Variants in USP14 observed in about 807,000 individuals in gnomAD.
USP14 encodes ubiquitin specific peptidase 14.
A neutral mutation model predicts 76.5 loss-of-function variants in USP14; 38 were observed. The observed-to-expected ratio is 0.50, with a 90% confidence interval of 0.38 to 0.65. USP14 has a LOEUF of 0.65. Among genes scored for constraint, USP14 ranks in the 30% least tolerant of loss-of-function variants. The pLI, the probability that USP14 is intolerant of heterozygous loss-of-function variation, is 0.00. For synonymous variants in USP14, 192 were observed against 191.7 expected (o/e 1.00, Z -0.01); for missense variants, 467 against 586.5 (o/e 0.80, Z 2.10).
intron 13 of USP14, among the ~76,000 whole-genome samples, chr18:209,606 A>C (rs963327970): frequency 4.0e-5 from 6 of 151,620 alleles, no homozygotes; most frequent in African/African-American, 1.5e-4. Context: ...TTTTCCCCCC[A>C]CCTCTGTGGT....
intron 5 of USP14, among the ~76,000 whole-genome samples, chr18:191,367 C>T (rs952982707): frequency 1.3e-5 from 2 of 152,130 alleles, no homozygotes; most frequent in African/African-American, 4.8e-5. Context: ...ACAATACTCT[C>T]TGTGATTTCT....
chr18:184,927 C>T (rs985845409), intron 5 of USP14, among the ~76,000 whole-genome samples: 10 of 152,150 alleles, frequency 6.6e-5, no homozygotes, highest in Non-Finnish European at 5.9e-5. Flanking sequence ...TGCTTAATGC[C>T]GCCCAACAGT....
intron 6 of USP14, 35 bp downstream of exon 6, chr18:192,935 G>GT: frequency 6.4e-7 from 1 of 1,552,172 alleles, no homozygotes; most frequent in Non-Finnish European, 8.8e-7. Context: ...TTTGATAGGA[G>GT]TAAGACATTC....
At chr18:185,474 C>T (rs1909904168) in intron 5 of USP14, among the ~76,000 whole-genome samples, 1 of 151,924 alleles carries the variant, frequency 6.6e-6, no homozygotes. Flanking sequence ...TGTCTGTTAA[C>T]ACTAGCGTCT....
intron 13 of USP14, among the ~76,000 whole-genome samples, chr18:205,547 G>A (rs1365767426): frequency 6.6e-6 from 1 of 152,170 alleles, no homozygotes; most frequent in East Asian, 1.9e-4. Context: ...TCTGAGGCAG[G>A]AGGATCACTT....
chr18:174,400 G>A (rs1336973197), intron 3 of USP14, among the ~76,000 whole-genome samples: 3 of 151,192 alleles, frequency 2.0e-5, no homozygotes, highest in African/African-American at 7.3e-5. Context: ...TGAGTAACTG[G>A]GATTATAGGC....
intron 5 of USP14, among the ~76,000 whole-genome samples, chr18:188,208 A>C (rs1217475800): frequency 6.6e-6 from 1 of 152,070 alleles, no homozygotes; most frequent in African/African-American, 2.4e-5. Flanking sequence ...GTTTGGTGGA[A>C]ATATTCTTAA....
At position 178,931 on chromosome 18, in the gene USP14, A is replaced by G. The variant is rs1240209945; in HGVS notation, c.196-2A>G. On this transcript the variant is annotated splice_acceptor_variant, in intron 3 of 15. Coordinates refer to ENST00000261601, the MANE Select transcript of USP14 (RefSeq NM_005151.4). LOFTEE classifies it high-confidence loss of function. ...TCATGAAATTACTTTTTTTAAAAAC[A>G]GGGAATGACTCTACTAATGATGGGG... The G allele has an allele frequency of 1.3e-6, 2 of 1,593,192 alleles. No homozygotes were observed. The highest frequency in any genetic ancestry group is 1.2e-5 in the South Asian group (1 of 86,896).
intron 5 of USP14, 120 bp from the exon 6 acceptor site, chr18:192,722 A>C: frequency 1.2e-6 from 1 of 814,074 alleles, no homozygotes; most frequent in Non-Finnish European, 1.9e-6. Flanking sequence ...GAAAGGTGGG[A>C]ACAACTCTGA....
intron 3 of USP14, among the ~76,000 whole-genome samples, chr18:169,823 C>T (rs144221246): frequency 6.6e-6 from 1 of 152,064 alleles, no homozygotes. Context: ...ACTCTCATGT[C>T]AAGTATGTTG....
chr18:195,768 C>T (rs1910213937), intron 6 of USP14, among the ~76,000 whole-genome samples: 1 of 152,254 alleles, frequency 6.6e-6, no homozygotes, highest in African/African-American at 2.4e-5. Context: ...ACCCGCTATC[C>T]TGATCTTGGC....
intron 1 of USP14, among the ~76,000 whole-genome samples, chr18:159,897 C>G (rs1262101220): frequency 6.6e-6 from 1 of 152,260 alleles, no homozygotes; most frequent in South Asian, 2.1e-4. Context: ...TTTCTAAGGT[C>G]CCTTCCTTTG....
Position 173,268 on chromosome 18 carries a change from C to T in USP14, c.196-5665C>T, listed in dbSNP as rs150203014. On this transcript the variant is annotated intron_variant, in intron 3 of 15. Transcript: ENST00000261601. Reference sequence around the variant, plus strand: ...GACTACAGGTGCCTGCCACCACACCCGGCTATTTTTTTTGTATTTTTTTTA... The same window carrying T: ...GACTACAGGTGCCTGCCACCACACCTGGCTATTTTTTTTGTATTTTTTTTA... Among the ~76,000 whole-genome samples, 408 of 151,894 alleles carry T rather than the reference C, an allele frequency of 2.7e-3. 3 individuals are homozygous for T. Among genetic ancestry groups the T allele is most frequent in the African/African-American group, 9.3e-3 (386 of 41,442 alleles).
chr18:204,653 G>A lies in USP14; in HGVS notation c.1125G>A (p.Lys375=), dbSNP rs1319142991. Residue 375 remains lysine (K), a synonymous_variant, in exon 13 of 16, where the codon AAG becomes AAA. Coordinates refer to ENST00000261601, the MANE Select transcript of USP14 (RefSeq NM_005151.4). ...EKMVSFRSKF[K]DLEDKKVNQQ... ...TGGTGTCTTTTCGATCCAAATTCAA[G>A]GATCTAGAAGATAAAAAAGTGAATC... 2.5e-6 allele frequency: 4 copies of A among 1,613,138 alleles called. No individual in the cohort carries two copies. The highest frequency in any genetic ancestry group is 3.4e-6 in the Non-Finnish European group (4 of 1,179,700).
chr18:163,889 CCTGT>C (rs1332012805), intron 2 of USP14, among the ~76,000 whole-genome samples: 1 of 150,964 alleles, frequency 6.6e-6, no homozygotes, highest in Admixed American at 6.6e-5. Flanking sequence ...GTCTTTTGTT[CCTGT>C]CTATGTGTCT....
chr18:197,593 C>T, intron 7 of USP14, 23 bp from the exon 8 acceptor site: 1 of 1,588,608 alleles, frequency 6.3e-7, no homozygotes, highest in Non-Finnish European at 8.6e-7. Flanking sequence ...GGATTACTTA[C>T]TTTGTCTTTT....
intron 5 of USP14, among the ~76,000 whole-genome samples, chr18:191,917 G>A (rs113991831): frequency 7.2e-5 from 11 of 152,220 alleles, no homozygotes; most frequent in African/African-American, 2.6e-4. Context: ...TAATTTCTGA[G>A]CTTTTGTAAT....
chr18:179,520 A>G (rs1027606027), intron 4 of USP14, among the ~76,000 whole-genome samples: 17 of 151,370 alleles, frequency 1.1e-4, no homozygotes, highest in Admixed American at 9.9e-4. Context: ...AACACGTGTC[A>G]ATTTTTTTTT....
chr18:158,867 C>T (rs1316664579), intron 1 of USP14, 153 bp downstream of exon 1: 3 of 1,174,210 alleles, frequency 2.6e-6, no homozygotes, highest in Non-Finnish European at 3.2e-6. Context: ...CAGGCACCGT[C>T]CCCTCTCCCG....
Sources: allele counts gnomAD v4.1 joint callset (sites outside exome capture counted in the v4.1 genomes callset), GRCh38; gene constraint gnomAD v4.1.1; transcripts MANE v1.5; gene names NCBI Gene and HGNC (gene_info 2026-07-23, HGNC 2026-07-21).